Variants in RFX3 observed in about 807,000 individuals in gnomAD.
The protein encoded by RFX3 is regulatory factor X3.
Under a neutral mutation model 98.6 loss-of-function variants are expected in RFX3, and 14 were observed. The ratio of observed to expected loss-of-function variants is 0.14; its 90% confidence interval spans 0.09 to 0.22. RFX3 has a LOEUF of 0.22. Among genes scored for constraint, RFX3 ranks in the 10% least tolerant of loss-of-function variants. The probability of loss-of-function intolerance (pLI) is 1.00; values close to 1 mark genes in which losing one functional copy is unlikely to be tolerated. For synonymous variants in RFX3, 383 were observed against 328.4 expected, an observed-to-expected ratio of 1.17 and a Z score of -1.80; for missense variants, 639 against 926.9, an observed-to-expected ratio of 0.69 and a Z score of 4.03.
At position 3,270,611 on chromosome 9, in the gene RFX3, A is replaced by C. The variant is rs12003214; in HGVS notation, c.1203-86T>G. 16,337 of 1,334,098 alleles carry C rather than the reference A, an allele frequency of 0.012. 934 individuals are homozygous for C. The African/African-American group carries it at 0.16, about 13-fold the overall frequency. The allele number at this position is 1,334,098 out of a possible 1,614,324, so 82.6% of individuals were successfully genotyped here. ...CTTTAAAAATAGTTTAAGTTTACCA[A>C]ATATTACTGAGGTTAGAACTATACC... On this transcript the variant is annotated intron_variant, in intron 10 of 16. Transcript: ENST00000617270.
chr9:3,355,488 T>A (rs193142999), intron 2 of RFX3, among the ~76,000 whole-genome samples: 2 of 151,760 alleles, frequency 1.3e-5, no homozygotes, highest in Admixed American at 1.3e-4. Flanking sequence ...AAGAAAAATA[T>A]CAAGAAATAA....
At chr9:3,341,936 A>C (rs1015716364) in intron 3 of RFX3, among the ~76,000 whole-genome samples, 2 of 152,352 alleles carry the variant, frequency 1.3e-5, no homozygotes, top group Non-Finnish European at 2.9e-5. Flanking sequence ...TAATAAGAAG[A>C]AAGCATAATT....
chr9:3,355,237 C>T (rs1405022508), intron 2 of RFX3, among the ~76,000 whole-genome samples: 2 of 151,652 alleles, frequency 1.3e-5, no homozygotes, highest in Non-Finnish European at 2.9e-5. Flanking sequence ...CAATAATTAC[C>T]TGGAATCTAC....
At chr9:3,328,423 G>C (rs1318300272) in intron 4 of RFX3, among the ~76,000 whole-genome samples, 1 of 151,978 alleles carries the variant, frequency 6.6e-6, no homozygotes, top group East Asian at 1.9e-4. Flanking sequence ...TATTGATAGG[G>C]GAACTGAGAT....
intron 1 of RFX3, among the ~76,000 whole-genome samples, chr9:3,411,168 C>T (rs747358710): frequency 3.3e-5 from 5 of 152,112 alleles, no homozygotes; most frequent in African/African-American, 4.8e-5. Context: ...CTAAATAAAA[C>T]GGAAAGGTTA....
rs182477873 is a variant in RFX3, at chr9:3,365,410, C to T, written c.118-18646G>A. Among the ~76,000 whole-genome samples, 3 of 152,064 alleles carry T rather than the reference C, an allele frequency of 2.0e-5. No homozygotes were observed. The East Asian group carries it at 5.8e-4, about 29-fold the overall frequency. On this transcript the variant is annotated intron_variant, in intron 2 of 16. Transcript: ENST00000617270. ...AAAATAATGCACTGCACATCATACA[C>T]TATAAATTATACTCTTCATAAAGAC...
chr9:3,434,102 A>G lies in RFX3; in HGVS notation c.-8-38506T>C, dbSNP rs567630594. Among the ~76,000 whole-genome samples the G allele has an allele frequency of 1.1e-4, 17 of 152,110 alleles. 1 individual carries two copies. Among genetic ancestry groups the G allele is most frequent in the African/African-American group, 4.1e-4 (17 of 41,500 alleles). ...GGCCTGAGATTCTGCATTTCTAACA[A>G]TCTCATAGTTGACTGACGATACTAT... On this transcript the variant is annotated intron_variant, in intron 1 of 16. Coordinates refer to ENST00000617270, the MANE Select transcript of RFX3 (RefSeq NM_001282116.2).
intron 1 of RFX3, among the ~76,000 whole-genome samples, chr9:3,436,523 C>T (rs12001609): frequency 6.6e-6 from 1 of 151,842 alleles, no homozygotes; most frequent in African/African-American, 2.4e-5. Context: ...AACTAATATA[C>T]CTTAAAATGA....
intron 3 of RFX3, among the ~76,000 whole-genome samples, chr9:3,336,848 TAATGAG>T (rs1353680257): frequency 6.6e-6 from 1 of 152,168 alleles, no homozygotes; most frequent in Non-Finnish European, 1.5e-5. Context: ...TTATTACACT[TAATGAG>T]AATAAGAATC....
intron 1 of RFX3, among the ~76,000 whole-genome samples, chr9:3,402,896 T>C (rs942790928): frequency 3.3e-5 from 5 of 151,842 alleles, no homozygotes; most frequent in African/African-American, 1.2e-4. Flanking sequence ...TAATGAACAA[T>C]ATTAAGATAA....
At chr9:3,433,200 G>A (rs754222985) in intron 1 of RFX3, among the ~76,000 whole-genome samples, 8 of 152,024 alleles carry the variant, frequency 5.3e-5, no homozygotes, top group Non-Finnish European at 1.0e-4. Context: ...TGTTGTTCAA[G>A]AGTCAACTGT....
chr9:3,376,654 G>T (rs1051274047), intron 2 of RFX3, among the ~76,000 whole-genome samples: 1 of 152,038 alleles, frequency 6.6e-6, no homozygotes, highest in East Asian at 1.9e-4. Context: ...GAGTGAACAC[G>T]CAACCTACAG....
At chr9:3,324,705 G>T (rs1044384804) in intron 4 of RFX3, among the ~76,000 whole-genome samples, 1 of 152,096 alleles carries the variant, frequency 6.6e-6, no homozygotes, top group Non-Finnish European at 1.5e-5. Context: ...GCTCATGCCT[G>T]TAATCCCAGC....
At chr9:3,292,978 A>AT in intron 6 of RFX3, 99 bp downstream of exon 6, 1 of 914,760 alleles carries the variant, frequency 1.1e-6, no homozygotes, top group South Asian at 1.8e-5. Flanking sequence ...ATTTCCTTAT[A>AT]TATTGTCTGT....
chr9:3,225,066 T>G lies in RFX3; in HGVS notation c.2226A>C (p.Thr742=), dbSNP rs757761534. Residue 742 remains threonine (T), a synonymous_variant, in exon 17 of 17, where the codon ACA becomes ACC. Transcript: ENST00000617270. ...STQTIRQCSA[T]GNTYTAV is the part of the protein sequence containing the mutation. Reference sequence around the variant, plus strand: ...TTTAGACTGCAGTGTAGGTATTTCCTGTAGCGCTGCACTGTCTGATAGTCT... The same window carrying G: ...TTTAGACTGCAGTGTAGGTATTTCCGGTAGCGCTGCACTGTCTGATAGTCT... The G allele has an allele frequency of 1.9e-6, 3 of 1,613,836 alleles. No individual in the cohort carries two copies. In the East Asian group the frequency reaches 6.7e-5, roughly 36 times the overall value.
At chr9:3,353,963 A>C (rs2131286427) in intron 2 of RFX3, among the ~76,000 whole-genome samples, 1 of 152,172 alleles carries the variant, frequency 6.6e-6, no homozygotes, top group Middle Eastern at 3.4e-3. Context: ...TGAGAAAAAA[A>C]GAAAGAAGCT....
chr9:3,237,883 C>T (rs111999914), intron 15 of RFX3, among the ~76,000 whole-genome samples: 3,402 of 152,094 alleles, frequency 0.022, 56 homozygotes, highest in Non-Finnish European at 0.036. Context: ...CTACCACTAT[C>T]CCACGCCTGA....
At chr9:3,397,823 C>A (rs1438786955) in intron 1 of RFX3, among the ~76,000 whole-genome samples, 1 of 152,186 alleles carries the variant, frequency 6.6e-6, no homozygotes, top group Non-Finnish European at 1.5e-5. Flanking sequence ...CTTTTAAGTG[C>A]TTGATATATT....
intron 5 of RFX3, among the ~76,000 whole-genome samples, chr9:3,300,941 G>A (rs74485381): frequency 6.7e-6 from 1 of 150,292 alleles, no homozygotes; most frequent in South Asian, 2.1e-4. Flanking sequence ...GCATAGTAAT[G>A]GTAGTTTTAT....
Sources: gnomAD v4.1 joint callset for allele counts (sites outside exome capture counted in the v4.1 genomes callset) on GRCh38, gnomAD v4.1.1 for gene constraint, MANE v1.5 for transcripts, NCBI Gene and HGNC (gene_info 2026-07-23, HGNC 2026-07-21) for gene names.